RP1L1: variants seen among roughly 807,000 people sequenced by gnomAD.
RP1L1 encodes retinitis pigmentosa 1-like 1 protein.
In RP1L1, 27 loss-of-function variants were observed where a neutral mutation model predicts 15.7. The ratio of observed to expected loss-of-function variants is 1.72; its 90% CI spans 1.27 to 2.38. The LOEUF (loss-of-function observed/expected upper bound fraction) is 2.38. Among genes scored for constraint, RP1L1 ranks in the 30% most tolerant of loss-of-function variants. The pLI, the probability that RP1L1 is intolerant of heterozygous loss-of-function variation, is 0.00. For missense variants in RP1L1, 4,798 were observed against 3,075.9 expected (o/e 1.56, Z -13.24); for synonymous variants, 1,813 against 1,276.7 (o/e 1.42, Z -8.96).
rs1346231348 is a variant in RP1L1 at position 10,609,872 on chromosome 8, T to G, written c.4226A>C (p.Glu1409Ala). The G allele has an allele frequency of 1.2e-6, 2 of 1,605,926 alleles. No homozygotes were observed. Among genetic ancestry groups the G allele is most frequent in the East Asian group, 2.2e-5 (1 of 44,870 alleles). Reference protein sequence around the residue: ...LPEEGSVHGQELSEASSPDGK... With the variant: ...LPEEGSVHGQALSEASSPDGK... ...ATCCGGAGAGCTGGCCTCTGACAAT[T>G]CCTGCCCGTGGACGCTTCCTTCTTC... Residue 1409 changes from glutamate to alanine, a missense_variant, in exon 4 of 4, where the codon GAA becomes GCA. Coordinates refer to ENST00000382483, the MANE Select transcript of RP1L1 (RefSeq NM_178857.6).
chr8:10,648,997 G>A (rs546241936), intron 1 of RP1L1, among the ~76,000 whole-genome samples: 2 of 152,316 alleles, frequency 1.3e-5, no homozygotes, highest in East Asian at 3.9e-4. Flanking sequence ...TGAGGGTGTA[G>A]GCCCTCGCCT....
At position 10,609,918 on chromosome 8, in the gene RP1L1, G is replaced by T. The variant is rs1797798135; in HGVS notation, c.4180C>A (p.Leu1394Ile). ...GLQGEALEEG[L>I]KEEGLPEEGS... ...TCTTCTGGAAGTCCTTCCTCTTTGA[G>T]ACCCTCTTCAAGAGCCTCTCCTTGC... is the stretch of plus-strand genomic sequence containing the variant. The change falls in exon 4 of 4, where the codon CTC (leucine) becomes ATC (isoleucine). Residue 1394 changes from leucine (L) to isoleucine (I), a missense_variant. Physicochemically the swap from Leu to Ile is conservative, Grantham distance 5 (BLOSUM62 2). Coordinates refer to ENST00000382483, the MANE Select transcript of RP1L1 (RefSeq NM_178857.6). 3.8e-6 allele frequency: 6 copies of T among 1,590,694 alleles called. No homozygotes were observed. In the Admixed American group the frequency reaches 6.8e-5, roughly 18 times the overall value.
chr8:10,621,760 T>C (rs754238518), intron 2 of RP1L1: 6 of 508,544 alleles, frequency 1.2e-5, no homozygotes, highest in African/African-American at 1.9e-5. Context: ...TGGAATTTCA[T>C]GTCCGGCAGA....
At chr8:10,650,512 A>T (rs948686740) in intron 1 of RP1L1, among the ~76,000 whole-genome samples, 5 of 151,664 alleles carry the variant, frequency 3.3e-5, no homozygotes, top group African/African-American at 9.7e-5. Flanking sequence ...GGATGCAGAA[A>T]CTGAGGCTCA....
At chr8:10,614,661 C>CA (rs772003815) in intron 3 of RP1L1, among the ~76,000 whole-genome samples, 33,434 of 74,946 alleles carry the variant, frequency 0.45, 5,460 homozygotes, top group East Asian at 0.64. Context: ...ATTCTGTCGT[C>CA]AAAAAAAAAA....
At chr8:10,644,898 G>A (rs1374624970) in intron 1 of RP1L1, among the ~76,000 whole-genome samples, 1 of 152,188 alleles carries the variant, frequency 6.6e-6, no homozygotes, top group East Asian at 1.9e-4. Flanking sequence ...TACCAATAAC[G>A]GTGAAAAATT....
chr8:10,621,643 T>A, intron 2 of RP1L1: 1 of 456,068 alleles, frequency 2.2e-6, no homozygotes, highest in Non-Finnish European at 4.5e-6. Context: ...ATTTATGAAG[T>A]ATTGGTGGAA....
At chr8:10,640,583 G>A (rs1446174779) in intron 1 of RP1L1, among the ~76,000 whole-genome samples, 4 of 151,866 alleles carry the variant, frequency 2.6e-5, no homozygotes, top group Non-Finnish European at 4.4e-5. Context: ...AACCCAGCAG[G>A]TGGAGATTGC....
intron 1 of RP1L1, among the ~76,000 whole-genome samples, chr8:10,648,720 T>G (rs1798516465): frequency 6.6e-6 from 1 of 152,170 alleles, no homozygotes; most frequent in Admixed American, 6.5e-5. Context: ...TTCTCTGACT[T>G]TTATGTGGGC....
chr8:10,615,632 C>G (rs1797952931), intron 3 of RP1L1, among the ~76,000 whole-genome samples: 1 of 151,910 alleles, frequency 6.6e-6, no homozygotes, highest in South Asian at 2.1e-4. Flanking sequence ...GGGCTCAAAT[C>G]ATCCTCCCCC....
Position 10,622,577 on chromosome 8 carries a change from G to C in RP1L1, c.609+16C>G. On this transcript the variant is annotated intron_variant, in intron 2 of 3. Transcript: ENST00000382483. ...AAAGAACCTTTTCAAGGAACCGTCA[G>C]ACCCCAACAGCCTACCTTTTTCCCG... 2 of 1,614,070 alleles carry C rather than the reference G, an allele frequency of 1.2e-6. No homozygotes were observed. Among genetic ancestry groups the C allele is most frequent in the Non-Finnish European group, 1.7e-6 (2 of 1,180,038 alleles).
At chr8:10,617,546 C>CTTTTTTTTTTTTTTTTT (rs777209714) in intron 2 of RP1L1, among the ~76,000 whole-genome samples, 2 of 63,418 alleles carry the variant, frequency 3.2e-5, no homozygotes, top group Middle Eastern at 0.017. Context: ...GTTTCTTTTT[C>CTTTTTTTTTTTTTTTTT]TTTTTTTTTT....
chr8:10,617,602 G>T (rs1201396299), intron 2 of RP1L1, among the ~76,000 whole-genome samples: 1 of 118,702 alleles, frequency 8.4e-6, no homozygotes, highest in African/African-American at 3.2e-5. Flanking sequence ...TGTCACCCAG[G>T]CTGGAGTGCA....
At chr8:10,615,281 A>G (rs1797947390) in intron 3 of RP1L1, among the ~76,000 whole-genome samples, 2 of 152,234 alleles carry the variant, frequency 1.3e-5, no homozygotes, top group African/African-American at 2.4e-5. Context: ...TTTTTCCATC[A>G]TCAGACTGCA....
rs1797799880 is a variant in RP1L1 at position 10,609,983 on chromosome 8, A to T, written c.4115T>A (p.Val1372Glu). Residue 1372 changes from valine to glutamate, a missense_variant, in exon 4 of 4, where the codon GTG (valine) becomes GAG (glutamate). Physicochemically the swap from Val to Glu is moderately radical, Grantham distance 121. Coordinates refer to ENST00000382483, the MANE Select transcript of RP1L1 (RefSeq NM_178857.6). ...TGGEGLQEEG[V>E]QLEEVKEGPE... ...CCCTTCTTTAACTTCCTCTAACTGCACCCCCTCTTCTTGCAGCCCTTCTCC... is the reference window on the plus strand; with the variant it reads ...CCCTTCTTTAACTTCCTCTAACTGCTCCCCCTCTTCTTGCAGCCCTTCTCC... 6.2e-7 allele frequency: 1 copy of T among 1,612,240 alleles called. No individual in the cohort carries two copies. Among genetic ancestry groups the T allele is most frequent in the Non-Finnish European group, 8.5e-7 (1 of 1,179,636 alleles).
At chr8:10,615,289 G>A (rs1446248365) in intron 3 of RP1L1, among the ~76,000 whole-genome samples, 5 of 152,198 alleles carry the variant, frequency 3.3e-5, no homozygotes, top group African/African-American at 1.2e-4. Flanking sequence ...TCATCAGACT[G>A]CATTTGTTAA....
chr8:10,611,458 A>C lies in RP1L1; in HGVS notation c.2640T>G (p.Thr880=), dbSNP rs1232034267. The change falls in exon 4 of 4, where the codon ACT becomes ACG. Residue 880 remains threonine, a synonymous_variant. Coordinates refer to ENST00000382483, the MANE Select transcript of RP1L1 (RefSeq NM_178857.6). Reference sequence around the variant, plus strand: ...GCGGGCTCCCACCTGGCCCCCGGGCAGTGCTTTGGTGGCTGCTGCCGGTGC... The same window carrying C: ...GCGGGCTCCCACCTGGCCCCCGGGCCGTGCTTTGGTGGCTGCTGCCGGTGC... ...CGSTGSSHQS[T]ARGPGGSPQE... The C allele has an allele frequency of 1.4e-5, 22 of 1,570,860 alleles. No homozygotes were observed. The highest frequency in any genetic ancestry group is 1.9e-5 in the Non-Finnish European group (22 of 1,160,526).
At chr8:10,623,605 G>A (rs1391324565) in intron 1 of RP1L1, among the ~76,000 whole-genome samples, 3 of 148,390 alleles carry the variant, frequency 2.0e-5, no homozygotes, top group African/African-American at 7.5e-5. Flanking sequence ...GAACTTCCAT[G>A]TCCCCAGCAC....
Position 10,607,401 on chromosome 8 carries a change from C to A in RP1L1, c.6697G>T (p.Ala2233Ser). The A allele has an allele frequency of 6.3e-7, 1 of 1,591,836 alleles. No individual in the cohort carries two copies. The highest frequency in any genetic ancestry group is 8.6e-7 in the Non-Finnish European group (1 of 1,166,576). ...GACTCTGGCTGGGCCTCCCCTTCAG[C>A]CTCCGGGGTCTCTACGCCTTCTGGC... Reference protein sequence around the residue: ...PEPEGVETPEAEGEAQPESEG... With the variant: ...PEPEGVETPESEGEAQPESEG... The change falls in exon 4 of 4, where the codon GCT (alanine) becomes TCT (serine). Residue 2233 changes from alanine to serine, a missense_variant. Coordinates refer to ENST00000382483, the MANE Select transcript of RP1L1 (RefSeq NM_178857.6).
Sources: gnomAD v4.1 joint callset for allele counts (sites outside exome capture counted in the v4.1 genomes callset) on GRCh38, gnomAD v4.1.1 for gene constraint, MANE v1.5 for transcripts, NCBI Gene and HGNC (gene_info 2026-07-23, HGNC 2026-07-21) for gene names.